Variants in TCF7L1 observed in about 807,000 individuals in gnomAD.
TCF7L1 encodes transcription factor 7-like 1.
Under a neutral mutation model 63.7 loss-of-function variants are expected in TCF7L1, and 18 were observed. The observed-to-expected ratio is 0.28, with a 90% CI of 0.20 to 0.42. TCF7L1 has a LOEUF of 0.42. Ranked by LOEUF, TCF7L1 falls within the 10% of genes least tolerant of loss-of-function variation. The pLI, the probability that TCF7L1 is intolerant of heterozygous loss-of-function variation, is 1.00. For missense variants in TCF7L1, 654 were observed against 779.3 expected, an observed-to-expected ratio of 0.84 and a Z score of 1.91; for synonymous variants, 355 against 340.9, an observed-to-expected ratio of 1.04 and a Z score of -0.46.
At chr2:85,255,540 G>A (rs1163195551) in intron 3 of TCF7L1, among the ~76,000 whole-genome samples, 1 of 152,194 alleles carries the variant, frequency 6.6e-6, no homozygotes, top group East Asian at 1.9e-4. Context: ...AGGGGCCTGA[G>A]GCACCTGCTT....
chr2:85,222,915 C>G (rs1679879376), intron 3 of TCF7L1, among the ~76,000 whole-genome samples: 1 of 152,092 alleles, frequency 6.6e-6, no homozygotes, highest in Non-Finnish European at 1.5e-5. Flanking sequence ...GATAGGCTAT[C>G]TGGGCTCTGT....
chr2:85,206,696 G>A (rs1679417538), intron 3 of TCF7L1, among the ~76,000 whole-genome samples: 1 of 152,136 alleles, frequency 6.6e-6, no homozygotes, highest in Non-Finnish European at 1.5e-5. Flanking sequence ...GCCAGGCACT[G>A]ATCCTAGTGC....
intron 3 of TCF7L1, among the ~76,000 whole-genome samples, chr2:85,213,241 C>T (rs774946944): frequency 2.0e-5 from 3 of 152,124 alleles, no homozygotes; most frequent in Admixed American, 1.3e-4. Flanking sequence ...TATTAAACTT[C>T]GAAATGCAGA....
At chr2:85,170,588 G>C (rs1678524723) in intron 3 of TCF7L1, among the ~76,000 whole-genome samples, 1 of 152,080 alleles carries the variant, frequency 6.6e-6, no homozygotes, top group Non-Finnish European at 1.5e-5. Context: ...TTATTGTAAA[G>C]GGGGAGAGTT....
At chr2:85,225,079 C>T (rs1679928124) in intron 3 of TCF7L1, among the ~76,000 whole-genome samples, 1 of 152,190 alleles carries the variant, frequency 6.6e-6, no homozygotes, top group African/African-American at 2.4e-5. Context: ...TGTCAAAGAT[C>T]AGATGGTTGT....
intron 3 of TCF7L1, among the ~76,000 whole-genome samples, chr2:85,151,270 G>C (rs1462657098): frequency 6.6e-6 from 1 of 152,162 alleles, no homozygotes; most frequent in African/African-American, 2.4e-5. Context: ...CTCCTGTGGA[G>C]TTTTTCACAG....
chr2:85,148,722 A>G (rs1408832852), intron 3 of TCF7L1, among the ~76,000 whole-genome samples: 3 of 152,138 alleles, frequency 2.0e-5, no homozygotes, highest in East Asian at 3.8e-4. Flanking sequence ...TTAGTAGCCA[A>G]ATATTTTAAC....
At chr2:85,229,785 A>G (rs1680033845) in intron 3 of TCF7L1, among the ~76,000 whole-genome samples, 1 of 152,204 alleles carries the variant, frequency 6.6e-6, no homozygotes, top group Admixed American at 6.5e-5. Flanking sequence ...AAGTAGGTGG[A>G]TCACTTGAGC....
Position 85,185,418 on chromosome 2 carries a change from C to T in TCF7L1, c.441+50968C>T, listed in dbSNP as rs571384560. ...GACTACAAGCAAGTGCCACCACACT[C>T]AGCAACATCACGTCTTACAGAAGAG... On this transcript the variant is annotated intron_variant, in intron 3 of 11. Transcript: ENST00000282111. Among the ~76,000 whole-genome samples, 60 of 152,178 alleles carry T rather than the reference C, an allele frequency of 3.9e-4. 1 individual carries two copies. In the South Asian group the frequency reaches 0.012, roughly 29 times the overall value.
At chr2:85,271,595 T>G (rs1327388139) in intron 3 of TCF7L1, among the ~76,000 whole-genome samples, 1 of 152,238 alleles carries the variant, frequency 6.6e-6, no homozygotes, top group Non-Finnish European at 1.5e-5. Context: ...TGTAACACGA[T>G]AATTCTTGCC....
At chr2:85,279,812 A>G (rs959847116) in intron 3 of TCF7L1, among the ~76,000 whole-genome samples, 8 of 152,164 alleles carry the variant, frequency 5.3e-5, no homozygotes, top group Non-Finnish European at 1.0e-4. Flanking sequence ...AGTCCCGGTG[A>G]GATGCTCACT....
chr2:85,223,942 C>A (rs1679902356), intron 3 of TCF7L1, among the ~76,000 whole-genome samples: 1 of 152,164 alleles, frequency 6.6e-6, no homozygotes, highest in South Asian at 2.1e-4. Context: ...TCCCCCAGCC[C>A]CCACTCCCCA....
intron 3 of TCF7L1, among the ~76,000 whole-genome samples, chr2:85,174,025 G>A (rs955611744): frequency 4.6e-5 from 7 of 152,132 alleles, no homozygotes; most frequent in Non-Finnish European, 5.9e-5. Flanking sequence ...GTGAGCCACC[G>A]CGCCCGGCCA....
chr2:85,256,615 G>A (rs1204764549), intron 3 of TCF7L1, among the ~76,000 whole-genome samples: 1 of 152,228 alleles, frequency 6.6e-6, no homozygotes, highest in Non-Finnish European at 1.5e-5. Flanking sequence ...TTTACAAGGA[G>A]AGTGTGTTCA....
At chr2:85,238,767 T>G (rs1680252864) in intron 3 of TCF7L1, among the ~76,000 whole-genome samples, 1 of 150,118 alleles carries the variant, frequency 6.7e-6, no homozygotes, top group African/African-American at 2.5e-5. Context: ...GGGAACAATC[T>G]TTTGGAGCAT....
chr2:85,297,820 T>C (rs1278795277), intron 4 of TCF7L1, among the ~76,000 whole-genome samples: 1 of 152,098 alleles, frequency 6.6e-6, no homozygotes, highest in Non-Finnish European at 1.5e-5. Context: ...ACACCTTCCC[T>C]GGTCATCCTG....
chr2:85,277,244 G>T (rs1012022249), intron 3 of TCF7L1, among the ~76,000 whole-genome samples: 1 of 152,164 alleles, frequency 6.6e-6, no homozygotes, highest in Admixed American at 6.5e-5. Flanking sequence ...GGCAAGAAAC[G>T]ACTGCAACTG....
chr2:85,276,567 A>C (rs972494096), intron 3 of TCF7L1, among the ~76,000 whole-genome samples: 2 of 152,228 alleles, frequency 1.3e-5, no homozygotes, highest in Non-Finnish European at 2.9e-5. Flanking sequence ...CCACAGTTGC[A>C]GTCGTTTCTT....
intron 4 of TCF7L1, among the ~76,000 whole-genome samples, chr2:85,286,222 G>A (rs1436078925): frequency 6.6e-6 from 1 of 151,478 alleles, no homozygotes; most frequent in Non-Finnish European, 1.5e-5. Flanking sequence ...CGGCGTGGTG[G>A]TACGCGCCTG....
Sources: gnomAD v4.1 joint callset for allele counts (sites outside exome capture counted in the v4.1 genomes callset) on GRCh38, gnomAD v4.1.1 for gene constraint, MANE v1.5 for transcripts, NCBI Gene and HGNC (gene_info 2026-07-23, HGNC 2026-07-21) for gene names.